MTCH2: variants seen among roughly 807,000 people sequenced by gnomAD.
MTCH2 encodes the protein mitochondrial carrier homolog 2.
A neutral mutation model predicts 50.6 loss-of-function variants in MTCH2; 25 were observed. The observed-to-expected ratio is 0.49, with a 90% CI of 0.36 to 0.69. The LOEUF (loss-of-function observed/expected upper bound fraction) is 0.69. Ranked by LOEUF, MTCH2 falls within the 30% of genes least tolerant of loss-of-function variation. The pLI, the probability that MTCH2 is intolerant of heterozygous loss-of-function variation, is 0.00. For synonymous variants in MTCH2, 106 were observed against 132.0 expected, an observed-to-expected ratio of 0.80 and a Z score of 1.35; for missense variants, 273 against 384.4, an observed-to-expected ratio of 0.71 and a Z score of 2.42.
Position 47,635,544 on chromosome 11 carries a change from C to T in MTCH2, c.306+1G>A. The T allele has an allele frequency of 6.2e-7, 1 of 1,613,672 alleles. No homozygotes were observed. The highest frequency in any genetic ancestry group is 8.5e-7 in the Non-Finnish European group (1 of 1,179,664). The stretch of plus-strand genomic sequence containing the variant: ...ATGCTTAGAAATCAGCTCCAACATA[C>T]CTCACCCTTGTCACTCTCCTGGTAA... On this transcript the variant is annotated splice_donor_variant, in intron 4 of 12. Transcript: ENST00000302503. LOFTEE classifies it high-confidence loss of function.
chr11:47,634,183 T>A (rs557071099), intron 5 of MTCH2, among the ~76,000 whole-genome samples: 1 of 152,230 alleles, frequency 6.6e-6, no homozygotes, highest in East Asian at 1.9e-4. Context: ...TTAAGTCATC[T>A]TCTCACCGCA....
chr11:47,622,876 CCT>C, intron 11 of MTCH2, 100 bp from the exon 12 acceptor site: 1 of 715,834 alleles, frequency 1.4e-6, no homozygotes, highest in Non-Finnish European at 2.2e-6. Context: ...CAGAAGATTC[CCT>C]GAGAGATCAT....
intron 5 of MTCH2, 60 bp downstream of exon 5, chr11:47,634,612 A>C (rs2097306740): frequency 1.3e-4 from 161 of 1,287,944 alleles, no homozygotes; most frequent in Non-Finnish European, 1.7e-4. Context: ...TTCTGATTCC[A>C]TAGTTGCAAC....
chr11:47,640,919 C>T (rs922617677), intron 1 of MTCH2, among the ~76,000 whole-genome samples: 3 of 151,796 alleles, frequency 2.0e-5, no homozygotes, highest in Non-Finnish European at 2.9e-5. Context: ...TTTTTTGAGG[C>T]TGAGTTTTGC....
chr11:47,639,111 CAAGGTCTTGAAT>C, intron 1 of MTCH2, 60 bp from the exon 2 acceptor site: 1 of 1,441,150 alleles, frequency 6.9e-7, no homozygotes, highest in Non-Finnish European at 9.6e-7. Context: ...GTCTTGCTTG[CAAGGTCTTGAAT>C]AAAGAACACA....
chr11:47,634,072 G>A (rs1237952846), intron 5 of MTCH2, among the ~76,000 whole-genome samples: 1 of 152,036 alleles, frequency 6.6e-6, no homozygotes, highest in Non-Finnish European at 1.5e-5. Context: ...GGGCCTGGTC[G>A]CTATTTTAAT....
At chr11:47,634,390 C>A (rs530795182) in intron 5 of MTCH2, among the ~76,000 whole-genome samples, 28 of 152,056 alleles carry the variant, frequency 1.8e-4, no homozygotes, top group African/African-American at 6.5e-4. Flanking sequence ...TATTTTAACA[C>A]TTTTATTCCT....
In MTCH2 at chr11:47,629,278, C is replaced by G. The variant is rs1360277167; in HGVS notation, c.540-232G>C. 4 of 485,894 alleles carry G rather than the reference C, an allele frequency of 8.2e-6. No homozygotes were observed. The East Asian group carries it at 1.5e-4, about 18-fold the overall frequency. 30.1% of individuals were successfully genotyped at this position (485,894 alleles called of 1,614,324 possible). ...TTCCTATGTTTAAAATGCAGGTCGGCTATACCCTCAGTGGCTCACCTTACT... is the reference window on the plus strand; with the variant it reads ...TTCCTATGTTTAAAATGCAGGTCGGGTATACCCTCAGTGGCTCACCTTACT... On this transcript the variant is annotated intron_variant, in intron 8 of 12. Coordinates refer to ENST00000302503, the MANE Select transcript of MTCH2 (RefSeq NM_014342.4).
intron 11 of MTCH2, among the ~76,000 whole-genome samples, chr11:47,625,431 A>T (rs919988031): frequency 8.4e-5 from 11 of 130,256 alleles, no homozygotes; most frequent in African/African-American, 3.1e-4. Flanking sequence ...TCAAAAAAAA[A>T]AAAAATAATA....
intron 8 of MTCH2, 112 bp downstream of exon 8, chr11:47,630,443 T>G (rs2153799662): frequency 1.1e-6 from 1 of 951,182 alleles, no homozygotes; most frequent in Non-Finnish European, 1.7e-6. Context: ...TAACGTGAGG[T>G]AAGCCCAGGG....
At chr11:47,608,882 C>T in the MTCH2 span, among the ~76,000 whole-genome samples, 12 of 149,192 alleles carry the variant, frequency 8.0e-5, no homozygotes, top group South Asian at 2.1e-4. Context: ...GGCGTGAACC[C>T]GGGAGGCGGA....
chr11:47,626,131 C>T (rs567671099), intron 10 of MTCH2, among the ~76,000 whole-genome samples: 12 of 152,140 alleles, frequency 7.9e-5, no homozygotes, highest in Admixed American at 2.0e-4. Context: ...CTGCAACCTC[C>T]GCCTCCTGGG....
At chr11:47,630,436 C>A in intron 8 of MTCH2, 119 bp downstream of exon 8, 2 of 881,520 alleles carry the variant, frequency 2.3e-6, no homozygotes, top group Non-Finnish European at 3.7e-6. Flanking sequence ...TAGAATGTAA[C>A]GTGAGGTAAG....
the MTCH2 span, among the ~76,000 whole-genome samples, chr11:47,607,238 T>C: frequency 1.2e-4 from 19 of 152,252 alleles, no homozygotes; most frequent in Non-Finnish European, 2.1e-4. Flanking sequence ...TACCTGTGCA[T>C]GGAAGGTTTC....
In MTCH2 at chr11:47,622,741, T is replaced by C; in HGVS notation, c.785A>G (p.Tyr262Cys). ...GCACCAACAGTCTATCCAAGACGTA[T>C]ATATTGGGGAGTAAGGAGGGCATCC... ...AGGCPPYSPI[Y>C]TSWIDCWCML... Residue 262 changes from tyrosine (Y) to cysteine (C), a missense_variant, in exon 12 of 13, where the codon TAT becomes TGT. Transcript: ENST00000302503. 2 of 1,611,844 alleles carry C rather than the reference T, an allele frequency of 1.2e-6. No homozygotes were observed. Among genetic ancestry groups the C allele is most frequent in the Non-Finnish European group, 1.7e-6 (2 of 1,178,440 alleles).
At chr11:47,628,187 T>A (rs1854201260) in intron 9 of MTCH2, among the ~76,000 whole-genome samples, 1 of 152,166 alleles carries the variant, frequency 6.6e-6, no homozygotes, top group African/African-American at 2.4e-5. Flanking sequence ...GCCCCACAAC[T>A]GCTGAGATAA....
At position 47,624,272 on chromosome 11, in the gene MTCH2, A is replaced by G. The variant is rs547120494; in HGVS notation, c.749+1402T>C. On this transcript the variant is annotated intron_variant, in intron 11 of 12. Transcript: ENST00000302503. ...AAGGCAAAATTTTGCCCAACTCAGTAGAGTCACTTGGCATCTAGAATTTGG... is the reference window on the plus strand; with the variant it reads ...AAGGCAAAATTTTGCCCAACTCAGTGGAGTCACTTGGCATCTAGAATTTGG... Among the ~76,000 whole-genome samples the G allele has an allele frequency of 2.6e-5, 4 of 151,582 alleles. No individual in the cohort carries two copies. In the South Asian group the frequency reaches 6.2e-4, roughly 24 times the overall value.
chr11:47,613,021 C>G (rs1485105960), downstream of MTCH2, among the ~76,000 whole-genome samples: 1 of 152,112 alleles, frequency 6.6e-6, no homozygotes, highest in Non-Finnish European at 1.5e-5. Flanking sequence ...CTGGCCCCAG[C>G]CTCCCAAGTA....
At chr11:47,628,827 A>G in intron 9 of MTCH2, 126 bp downstream of exon 9, 1 of 736,394 alleles carries the variant, frequency 1.4e-6, no homozygotes, top group East Asian at 2.9e-5. Context: ...ATCCGCCCAC[A>G]TTGGCCTCCC....
Sources: allele counts gnomAD v4.1 joint callset (sites outside exome capture counted in the v4.1 genomes callset), GRCh38; gene constraint gnomAD v4.1.1; transcripts MANE v1.5; gene names NCBI Gene and HGNC (gene_info 2026-07-23, HGNC 2026-07-21).